The following DENND4B variants were observed in gnomAD, a reference collection of about 807,000 sequenced individuals.
The protein encoded by DENND4B is DENN domain containing 4B.
Under a neutral mutation model 161.0 loss-of-function variants are expected in DENND4B, and 67 were observed. The observed-to-expected ratio is 0.42, with a 90% CI of 0.34 to 0.51. The LOEUF (loss-of-function observed/expected upper bound fraction) is 0.51. DENND4B is among the 20% of genes least tolerant of loss of function. The pLI, the probability that DENND4B is intolerant of heterozygous loss-of-function variation, is 0.08. For synonymous variants in DENND4B, 753 were observed against 813.8 expected, an observed-to-expected ratio of 0.93 and a Z score of 1.27; for missense variants, 1,481 against 1,968.0, an observed-to-expected ratio of 0.75 and a Z score of 4.68.
At position 153,934,357 on chromosome 1, in the gene DENND4B, T is replaced by C; in HGVS notation, c.2774-55A>G. The C allele has an allele frequency of 6.6e-7, 1 of 1,523,144 alleles. No homozygotes were observed. The highest frequency in any genetic ancestry group is 8.8e-7 in the Non-Finnish European group (1 of 1,141,232). 94.4% of individuals were successfully genotyped at this position (1,523,144 alleles called of 1,614,324 possible). A position where few individuals can be genotyped will look rare whatever the true frequency, so the allele number is the denominator to read the frequency against. ...GGCCAGCTAGGAACCCAGTCCCCTG[T>C]TCCAAAATAGAGCTCCTTAGATGGA... On this transcript the variant is annotated intron_variant, in intron 18 of 27. Coordinates refer to ENST00000361217, the MANE Select transcript of DENND4B (RefSeq NM_014856.3). This position sits in a 1 kb window ranked among gnomAD's most constrained non-coding sequence, Gnocchi z 5.3.
Position 153,937,674 on chromosome 1 carries a change from T to C in DENND4B, c.2105+50A>G, listed in dbSNP as rs769260143. 5.0e-6 allele frequency: 8 copies of C among 1,613,504 alleles called. No homozygotes were observed. The South Asian group carries it at 7.7e-5, about 16-fold the overall frequency. Reference sequence around the variant, plus strand: ...CAGCACAGGGCGAAGCGAGTTGGACTGGACCAGTCTATGGGACCCTGGAAC... The same window carrying C: ...CAGCACAGGGCGAAGCGAGTTGGACCGGACCAGTCTATGGGACCCTGGAAC... On this transcript the variant is annotated intron_variant, in intron 14 of 27. Coordinates refer to ENST00000361217, the MANE Select transcript of DENND4B (RefSeq NM_014856.3). This position sits in a 1 kb window ranked among gnomAD's most constrained non-coding sequence, Gnocchi z 4.7.
Position 153,936,313 on chromosome 1 carries a change from G to A in DENND4B, c.2440-125C>T. On this transcript the variant is annotated intron_variant, in intron 16 of 27. Coordinates refer to ENST00000361217, the MANE Select transcript of DENND4B (RefSeq NM_014856.3). The surrounding 1 kb of genome is among the most constrained non-coding windows in gnomAD (Gnocchi z 4.1). ...TCACTGGCCCCTGGCAGGTCCTGGG[G>A]CTACCTCAGAGCCACCCACCCTTTC... 7.1e-7 allele frequency: 1 copy of A among 1,414,582 alleles called. No homozygotes were observed. Among genetic ancestry groups the A allele is most frequent in the Non-Finnish European group, 9.5e-7 (1 of 1,048,236 alleles). 87.6% of individuals were successfully genotyped at this position (1,414,582 alleles called of 1,614,324 possible).
chr1:153,941,774 A>AGGGCTGG, intron 6 of DENND4B, 95 bp downstream of exon 6: 1 of 618,134 alleles, frequency 1.6e-6, no homozygotes, highest in Non-Finnish European at 2.8e-6. Context: ...CCCTGTGCCC[A>AGGGCTGG]GCCCTCCCCC....
rs770728361 is a variant in DENND4B at position 153,939,616 on chromosome 1, C to G, written c.1792G>C (p.Asp598His). ...TGCAGGAAGAAAAGGTTGTCAACAT[C>G]ACGAGCTCCCTCGGAGGGGGCCTGG... ...LTQAPSEGAR[D>H]VDNLFFLQGF... Residue 598 changes from aspartate (D) to histidine (H), a missense_variant, in exon 12 of 28, where the codon GAT becomes CAT. Asp to His is a moderately conservative substitution (Grantham distance 81, BLOSUM62 -1). Coordinates refer to ENST00000361217, the MANE Select transcript of DENND4B (RefSeq NM_014856.3). 4 of 1,611,090 alleles carry G rather than the reference C, an allele frequency of 2.5e-6. No individual in the cohort carries two copies. The highest frequency in any genetic ancestry group is 3.4e-6 in the Non-Finnish European group (4 of 1,177,788).
Position 153,932,825 on chromosome 1 carries a change from T to C in DENND4B, c.3623+36A>G. 1 of 1,613,534 alleles carries C rather than the reference T, an allele frequency of 6.2e-7. No individual in the cohort carries two copies. The highest frequency in any genetic ancestry group is 1.3e-5 in the African/African-American group (1 of 75,022). On this transcript the variant is annotated intron_variant, in intron 22 of 27. Transcript: ENST00000361217. The surrounding 1 kb of genome is among the most constrained non-coding windows in gnomAD (Gnocchi z 5.8). ...GTCAGCTTTTGGACCTTCACCTCCC[T>C]ATTCCCACCCACAGCACTTGCCCTG...
In DENND4B at chr1:153,930,870, AAAG is replaced by A; in HGVS notation, c.4115-16_4115-14del. 1 of 1,595,176 alleles carries A rather than the reference AAAG, an allele frequency of 6.3e-7. No homozygotes were observed. Among genetic ancestry groups the A allele is most frequent in the Non-Finnish European group, 8.5e-7 (1 of 1,171,504 alleles). ...TGGGGGATCTGGCCTGGATGAAAGG[AAAG>A]AAGGCCACCAGAATCACTGAGCCCT... is the stretch of plus-strand genomic sequence containing the variant. On this transcript the variant is annotated splice_polypyrimidine_tract_variant and intron_variant, in intron 25 of 27. Transcript: ENST00000361217. The surrounding 1 kb of genome is among the most constrained non-coding windows in gnomAD (Gnocchi z 4.7).
intron 17 of DENND4B, 194 bp downstream of exon 17, chr1:153,935,866 T>G (rs568691958): frequency 1.6e-6 from 1 of 620,538 alleles, no homozygotes; most frequent in South Asian, 2.0e-5. Flanking sequence ...CTGTCATGAG[T>G]GGGAATCAAA....
chr1:153,943,425 C>T (rs747970035), intron 2 of DENND4B, among the ~76,000 whole-genome samples: 2 of 152,144 alleles, frequency 1.3e-5, no homozygotes, highest in Admixed American at 1.3e-4. Context: ...TGCCTATAAT[C>T]CCAGCACTTT....
At position 153,936,716 on chromosome 1, in the gene DENND4B, C is replaced by T. The variant is rs770325580; in HGVS notation, c.2265G>A (p.Lys755=). Residue 755 remains lysine, a synonymous_variant, in exon 16 of 28, where the codon AAG becomes AAA. Coordinates refer to ENST00000361217, the MANE Select transcript of DENND4B (RefSeq NM_014856.3). The surrounding 1 kb of genome is among the most constrained non-coding windows in gnomAD (Gnocchi z 4.1). ...EMKVAQRMAQ[K]SAAVPELWAR... is the part of the protein sequence containing the mutation. ...CCCACAGCTCAGGCACAGCTGCTGA[C>T]TTCTGTGCCATCCGCTGTGCAACTT... is the stretch of plus-strand genomic sequence containing the variant. 3 of 1,605,434 alleles carry T rather than the reference C, an allele frequency of 1.9e-6. No homozygotes were observed. The South Asian group carries it at 3.3e-5, about 18-fold the overall frequency.
At position 153,931,007 on chromosome 1, in the gene DENND4B, C is replaced by T; in HGVS notation, c.4054G>A (p.Asp1352Asn). 1 of 1,599,950 alleles carries T rather than the reference C, an allele frequency of 6.3e-7. No individual in the cohort carries two copies. The highest frequency in any genetic ancestry group is 8.5e-7 in the Non-Finnish European group (1 of 1,171,742). The change falls in exon 25 of 28, where the codon GAT (aspartate) becomes AAT (asparagine). Residue 1352 changes from aspartate to asparagine, a missense_variant. Asp to Asn is a conservative substitution (Grantham distance 23). Around this residue, in one of 3 missense-constraint regions of DENND4B, gnomAD observed 336 missense variants for 503.3 expected, o/e 0.67. Coordinates refer to ENST00000361217, the MANE Select transcript of DENND4B (RefSeq NM_014856.3). ...PASVQVRLLW[D>N]VLTPDPNSCP... ...CTATTGGGGTCAGGGGTCAGTACAT[C>T]CCACAGCAGCCGTACCTGAACAGAG...
Position 153,933,404 on chromosome 1 carries a change from T to G in DENND4B, c.3330+79A>C, listed in dbSNP as rs573468796. 318 of 1,606,186 alleles carry G rather than the reference T, an allele frequency of 2.0e-4. 4 individuals carry two copies. The South Asian group carries it at 2.7e-3, about 14-fold the overall frequency. Reference sequence around the variant, plus strand: ...GTTTCAAGCACCCCTCAGAGCCCCCTTTTTGAGCATTCTTCCAGTCGTAGC... The same window carrying G: ...GTTTCAAGCACCCCTCAGAGCCCCCGTTTTGAGCATTCTTCCAGTCGTAGC... On this transcript the variant is annotated intron_variant, in intron 20 of 27. Coordinates refer to ENST00000361217, the MANE Select transcript of DENND4B (RefSeq NM_014856.3). The surrounding 1 kb of genome is among the most constrained non-coding windows in gnomAD (Gnocchi z 5.7).
intron 2 of DENND4B, among the ~76,000 whole-genome samples, chr1:153,943,678 TAAAAAA>T (rs11330733): frequency 3.2e-5 from 3 of 92,402 alleles, no homozygotes; most frequent in Admixed American, 1.3e-4. Flanking sequence ...ACTCTGTCTA[TAAAAAA>T]AAAAAAAAAA....
In DENND4B at chr1:153,930,879, C is replaced by T. The variant is rs375939242; in HGVS notation, c.4115-22G>A. Reference sequence around the variant, plus strand: ...TGGCCTGGATGAAAGGAAAGAAGGCCACCAGAATCACTGAGCCCTCTGGGT... The same window carrying T: ...TGGCCTGGATGAAAGGAAAGAAGGCTACCAGAATCACTGAGCCCTCTGGGT... On this transcript the variant is annotated intron_variant, in intron 25 of 27. Transcript: ENST00000361217. This position sits in a 1 kb window ranked among gnomAD's most constrained non-coding sequence, Gnocchi z 4.7. 1 of 1,594,344 alleles carries T rather than the reference C, an allele frequency of 6.3e-7. No homozygotes were observed. The highest frequency in any genetic ancestry group is 8.5e-7 in the Non-Finnish European group (1 of 1,171,254).
chr1:153,935,279 C>T, intron 17 of DENND4B: 1 of 373,564 alleles, frequency 2.7e-6, no homozygotes, highest in Non-Finnish European at 4.8e-6. Flanking sequence ...ATCTAAAAAA[C>T]AGGAGGCAGT....
chr1:153,939,663 C>T lies in DENND4B; in HGVS notation c.1745G>A (p.Arg582Gln), dbSNP rs1679556995. ...RFMACLLKGY[R>Q]VFLRPLTQAP... is the part of the protein sequence containing the mutation. ...CTGGGTGAGTGGGCGCAGGAAGACC[C>T]GGTAGCCCTTGAGCAGACAGGCCAT... Residue 582 changes from arginine (R) to glutamine (Q), a missense_variant, in exon 12 of 28, where the codon CGG becomes CAG. Arg to Gln is a conservative substitution (Grantham distance 43). Transcript: ENST00000361217. 3.7e-6 allele frequency: 6 copies of T among 1,613,772 alleles called. No individual in the cohort carries two copies. The highest frequency in any genetic ancestry group is 1.7e-5 in the Admixed American group (1 of 59,986).
At position 153,946,095 on chromosome 1, in the gene DENND4B, G is replaced by A. The variant is rs906676134; in HGVS notation, c.-24+206C>T. Among the ~76,000 whole-genome samples the A allele has an allele frequency of 4.6e-5, 7 of 152,186 alleles. No homozygotes were observed. Among genetic ancestry groups the A allele is most frequent in the African/African-American group, 1.7e-4 (7 of 41,456 alleles). On this transcript the variant is annotated intron_variant, in intron 1 of 27. Coordinates refer to ENST00000361217, the MANE Select transcript of DENND4B (RefSeq NM_014856.3). The surrounding 1 kb of genome is among the most constrained non-coding windows in gnomAD (Gnocchi z 6.3). ...GGCTCCGACTCCGGCACCCACGGGA[G>A]CAGAAGGGGGTGCAGGAGGCCGGGC...
Position 153,933,857 on chromosome 1 carries a change from C to T in DENND4B, c.2956G>A (p.Gly986Arg). 6.2e-7 allele frequency: 1 copy of T among 1,613,028 alleles called. No homozygotes were observed. The highest frequency in any genetic ancestry group is 8.5e-7 in the Non-Finnish European group (1 of 1,179,712). Residue 986 changes from glycine to arginine, a missense_variant, in exon 20 of 28, where the codon GGG becomes AGG. Gly to Arg is a moderately radical substitution (Grantham distance 125). Coordinates refer to ENST00000361217, the MANE Select transcript of DENND4B (RefSeq NM_014856.3). The surrounding 1 kb of genome is among the most constrained non-coding windows in gnomAD (Gnocchi z 5.7). ...AGVAHMIEAL[G>R]VLEPRGSPVP... ...GGTGATCCCCGGGGTTCCAGGACCC[C>T]CAAGGCCTCTATCACTGCAGCACAG...
Position 153,937,536 on chromosome 1 carries a change from G to T in DENND4B, c.2184C>A (p.Gly728=). The T allele has an allele frequency of 6.2e-7, 1 of 1,607,272 alleles. No homozygotes were observed. The highest frequency in any genetic ancestry group is 8.5e-7 in the Non-Finnish European group (1 of 1,176,624). ...QEQPGALPVP[G]PSRSAPSSPA... is the part of the protein sequence containing the mutation. ...GACTGCTGGGGGCGCTACGGGAAGG[G>T]CCTGGCACAGGCAGGGCCCCAGGTT... is the stretch of plus-strand genomic sequence containing the variant. The change falls in exon 15 of 28, where the codon GGC becomes GGA. Residue 728 remains glycine (G), a synonymous_variant. Coordinates refer to ENST00000361217, the MANE Select transcript of DENND4B (RefSeq NM_014856.3). The surrounding 1 kb of genome is among the most constrained non-coding windows in gnomAD (Gnocchi z 4.7).
chr1:153,939,922 A>G (rs943600984), intron 11 of DENND4B, 118 bp from the exon 12 acceptor site: 5 of 1,009,064 alleles, frequency 5.0e-6, no homozygotes, highest in East Asian at 5.2e-5. Context: ...AGTAGCAACT[A>G]AAGTATTACC....
Sources: gnomAD v4.1 joint callset for allele counts (sites outside exome capture counted in the v4.1 genomes callset) on GRCh38, gnomAD v4.1.1 for gene constraint, gnomAD v4.1.1 regional missense constraint, Gnocchi (gnomAD v3.1) non-coding constraint, MANE v1.5 for transcripts, NCBI Gene and HGNC (gene_info 2026-07-23, HGNC 2026-07-21) for gene names.